RBM20: variants seen among roughly 807,000 people sequenced by gnomAD.
RBM20 encodes RNA binding motif protein 20, also known as RNA-binding protein 20.
RBM20 carries 51 observed loss-of-function variants against 110.1 expected under a neutral mutation model. That is an observed-to-expected ratio of 0.46 (90% CI 0.37 to 0.59). The LOEUF (loss-of-function observed/expected upper bound fraction) is 0.59. Ranked by LOEUF, RBM20 falls within the 20% of genes least tolerant of loss-of-function variation. The pLI is 0.00. For missense variants in RBM20, 1,512 were observed against 1,574.9 expected (o/e 0.96, Z 0.68); for synonymous variants, 589 against 618.2 (o/e 0.95, Z 0.70).
chr10:110,764,309 C>A (rs1844050134), intron 1 of RBM20, among the ~76,000 whole-genome samples: 1 of 152,162 alleles, frequency 6.6e-6, no homozygotes, highest in Non-Finnish European at 1.5e-5. Context: ...ACCACCACCA[C>A]CCACAGCAGC....
chr10:110,758,674 C>T lies in RBM20; in HGVS notation c.192-22127C>T, dbSNP rs544117204. On this transcript the variant is annotated intron_variant, in intron 1 of 13. Transcript: ENST00000369519. ...GATATGTGCTGTCTAGCATGATAAT[C>T]GCTAGTCACATGTGGCTGTTGAGCC... Among the ~76,000 whole-genome samples the T allele has an allele frequency of 1.4e-4, 21 of 152,308 alleles. No homozygotes were observed. The East Asian group carries it at 2.7e-3, about 20-fold the overall frequency.
At chr10:110,823,709 G>A (rs1170831736) in intron 12 of RBM20, 95 bp downstream of exon 12, 2 of 1,341,134 alleles carry the variant, frequency 1.5e-6, no homozygotes, top group Non-Finnish European at 2.1e-6. Context: ...TTGGCATTTT[G>A]TTGTTGACAT....
In RBM20 at chr10:110,835,900, C is replaced by G; in HGVS notation, c.3606C>G (p.Leu1202=). ...KYLSQLAEEG[L]KETEGADSPR... is the part of the protein sequence containing the mutation. ...TGTCCCAGCTGGCCGAGGAGGGCCT[C>G]AAGGAGACCGAGGGGGCAGATAGCC... The change falls in exon 14 of 14, where the codon CTC becomes CTG. Residue 1202 remains leucine (L), a synonymous_variant. Transcript: ENST00000369519. The G allele has an allele frequency of 6.5e-7, 1 of 1,547,902 alleles. No individual in the cohort carries two copies. Among genetic ancestry groups the G allele is most frequent in the Non-Finnish European group, 8.7e-7 (1 of 1,143,926 alleles).
intron 1 of RBM20, among the ~76,000 whole-genome samples, chr10:110,728,567 T>G (rs895075967): frequency 1.1e-4 from 17 of 152,204 alleles, no homozygotes; most frequent in African/African-American, 4.1e-4. Flanking sequence ...CTCCTTTCTC[T>G]GTAATTATGT....
chr10:110,763,883 T>C (rs1052157417), intron 1 of RBM20, among the ~76,000 whole-genome samples: 1 of 151,692 alleles, frequency 6.6e-6, no homozygotes, highest in Non-Finnish European at 1.5e-5. Flanking sequence ...TTTGTGGTGG[T>C]TGTCTTGAGC....
chr10:110,732,417 T>C (rs989790830), intron 1 of RBM20, among the ~76,000 whole-genome samples: 6 of 152,200 alleles, frequency 3.9e-5, no homozygotes, highest in Non-Finnish European at 8.8e-5. Context: ...TTAGGGGAAA[T>C]GTTTCCTTTC....
intron 7 of RBM20, among the ~76,000 whole-genome samples, chr10:110,805,210 G>T (rs988758102): frequency 2.0e-5 from 3 of 152,194 alleles, no homozygotes. Context: ...GCTACCAGAA[G>T]TTCCATGGCA....
At chr10:110,789,630 G>T (rs1340744331) in intron 5 of RBM20, among the ~76,000 whole-genome samples, 1 of 151,828 alleles carries the variant, frequency 6.6e-6, no homozygotes, top group Admixed American at 6.6e-5. Context: ...CTAATTTTTG[G>T]AGAGACAGGG....
chr10:110,695,168 G>A (rs952905766), intron 1 of RBM20, among the ~76,000 whole-genome samples: 3 of 152,188 alleles, frequency 2.0e-5, no homozygotes, highest in African/African-American at 7.2e-5. Flanking sequence ...CCCCTGCTGA[G>A]TGGATGACCC....
chr10:110,738,281 C>T (rs1168098873), intron 1 of RBM20, among the ~76,000 whole-genome samples: 1 of 152,142 alleles, frequency 6.6e-6, no homozygotes, highest in Non-Finnish European at 1.5e-5. Flanking sequence ...ATAAAACCTG[C>T]AGAGGTTGGG....
Position 110,644,398 on chromosome 10 carries a change from C to G in RBM20, c.-57C>G. On this transcript the variant is annotated 5_prime_UTR_variant, in exon 1 of 14. Coordinates refer to ENST00000369519, the MANE Select transcript of RBM20 (RefSeq NM_001134363.3). This position sits in a 1 kb window ranked among gnomAD's most constrained non-coding sequence, Gnocchi z 4.3. The stretch of plus-strand genomic sequence containing the variant: ...CCCCGGCCAGTGAGCGCCCGTGGCC[C>G]GGGACCGCCCCTCCCTTGAGCTCTC... 1.5e-6 allele frequency: 2 copies of G among 1,348,566 alleles called. No individual in the cohort carries two copies. The highest frequency in any genetic ancestry group is 1.9e-6 in the Non-Finnish European group (2 of 1,043,222). The allele number at this position is 1,348,566 out of a possible 1,614,324, so 83.5% of individuals were successfully genotyped here. A position where few individuals can be genotyped will look rare whatever the true frequency, so the allele number is the denominator to read the frequency against.
intron 1 of RBM20, among the ~76,000 whole-genome samples, chr10:110,672,520 G>GC (rs1325196219): frequency 6.6e-6 from 1 of 152,226 alleles, no homozygotes; most frequent in Admixed American, 6.5e-5. Context: ...GTCAGCCAAA[G>GC]CCCCCGGGGC....
chr10:110,715,544 C>T (rs1863002621), intron 1 of RBM20, among the ~76,000 whole-genome samples: 1 of 152,142 alleles, frequency 6.6e-6, no homozygotes, highest in South Asian at 2.1e-4. Context: ...TTGTTAAGTC[C>T]TGATAGGTTA....
At chr10:110,717,705 C>G (rs1863041292) in intron 1 of RBM20, among the ~76,000 whole-genome samples, 1 of 152,220 alleles carries the variant, frequency 6.6e-6, no homozygotes, top group South Asian at 2.1e-4. Context: ...CTGCCTGCCA[C>G]AGTTTCCCAT....
chr10:110,819,143 C>T (rs932073506), intron 9 of RBM20, among the ~76,000 whole-genome samples: 13 of 152,328 alleles, frequency 8.5e-5, no homozygotes, highest in Middle Eastern at 3.4e-3. Context: ...GCTTGGCCCT[C>T]AGAAAGCCCA....
intron 1 of RBM20, among the ~76,000 whole-genome samples, chr10:110,703,144 A>G (rs1862784404): frequency 6.6e-6 from 1 of 151,870 alleles, no homozygotes; most frequent in Non-Finnish European, 1.5e-5. Context: ...TGGGAGGCCA[A>G]GGCGGGTGGA....
chr10:110,806,076 C>T (rs1844690678), intron 7 of RBM20, among the ~76,000 whole-genome samples: 1 of 152,092 alleles, frequency 6.6e-6, no homozygotes, highest in Non-Finnish European at 1.5e-5. Context: ...GGTTCAAGAG[C>T]AGCCTGACCA....
At chr10:110,706,298 T>A (rs1187125930) in intron 1 of RBM20, among the ~76,000 whole-genome samples, 3 of 152,102 alleles carry the variant, frequency 2.0e-5, no homozygotes, top group South Asian at 2.1e-4. Flanking sequence ...GTTAATAATA[T>A]GATCCACACA....
chr10:110,827,784 C>T (rs938972721), intron 12 of RBM20: 7 of 152,128 alleles, frequency 4.6e-5, no homozygotes, highest in Non-Finnish European at 7.3e-5. Context: ...TATTATGGCT[C>T]CTCTCACCGG....
Sources: allele counts gnomAD v4.1 joint callset (sites outside exome capture counted in the v4.1 genomes callset), GRCh38; gene constraint gnomAD v4.1.1; non-coding constraint Gnocchi (gnomAD v3.1); transcripts MANE v1.5; gene names NCBI Gene and HGNC (gene_info 2026-07-23, HGNC 2026-07-21).